The following DYNC1H1 variants were observed in gnomAD, a reference collection of about 807,000 sequenced individuals.
DYNC1H1 encodes dynein cytoplasmic 1 heavy chain 1.
Under a neutral mutation model 527.1 loss-of-function variants are expected in DYNC1H1, and 51 were observed. That is an observed-to-expected ratio of 0.10 (90% CI 0.08 to 0.12). The LOEUF is 0.12. DYNC1H1 is among the 10% of genes least tolerant of loss of function. The probability of loss-of-function intolerance (pLI) is 1.00; values close to 1 mark genes in which losing one functional copy is unlikely to be tolerated. For synonymous variants in DYNC1H1, 2,189 were observed against 2,278.8 expected (o/e 0.96, Z 1.12); for missense variants, 2,771 against 5,971.8 (o/e 0.46, Z 17.66).
rs1353872671 is a variant in DYNC1H1 at position 102,016,655 on chromosome 14, C to T, written c.7615-111C>T. On this transcript the variant is annotated intron_variant, in intron 37 of 77. Transcript: ENST00000360184. The surrounding 1 kb of genome is among the most constrained non-coding windows in gnomAD (Gnocchi z 7.3). ...GTGTTAGCAAAGAGTGCAGATTAAC[C>T]TGACCAATTACTTCCTTGTTCTGAA... 6.5e-6 allele frequency: 10 copies of T among 1,534,846 alleles called. No homozygotes were observed. The Admixed American group carries it at 1.5e-4, about 23-fold the overall frequency.
In DYNC1H1 at chr14:101,983,871, C is replaced by T. The variant is rs977950221; in HGVS notation, c.1461+262C>T. ...TGTTTATATTTTGAGTAGAGACAGG[C>T]TTTTACCATGTTGGCCAGGCTGGTT... is the stretch of plus-strand genomic sequence containing the variant. On this transcript the variant is annotated intron_variant, in intron 7 of 77. Coordinates refer to ENST00000360184, the MANE Select transcript of DYNC1H1 (RefSeq NM_001376.5). The surrounding 1 kb of genome is among the most constrained non-coding windows in gnomAD (Gnocchi z 5.3). 6.6e-6 allele frequency among the ~76,000 whole-genome samples: 1 copy of T among 151,960 alleles called. No individual in the cohort carries two copies. Among genetic ancestry groups the T allele is most frequent in the East Asian group, 1.9e-4 (1 of 5,176 alleles).
In DYNC1H1 at chr14:102,012,492, G is replaced by A. The variant is rs770462838; in HGVS notation, c.7014+22G>A. On this transcript the variant is annotated intron_variant, in intron 34 of 77. Coordinates refer to ENST00000360184, the MANE Select transcript of DYNC1H1 (RefSeq NM_001376.5). The surrounding 1 kb of genome is among the most constrained non-coding windows in gnomAD (Gnocchi z 4.9). ...CAATGTAAGTAGCCTTTTGTATGTC[G>A]TCAACTGAATAATTCCTTTTGGCCA... 26 of 1,613,954 alleles carry A rather than the reference G, an allele frequency of 1.6e-5. No homozygotes were observed. In the Middle Eastern group the frequency reaches 4.9e-4, roughly 31 times the overall value.
At chr14:101,994,643 C>T (rs2048037667) in intron 12 of DYNC1H1, 30 bp from the exon 13 acceptor site, 1 of 1,612,994 alleles carries the variant, frequency 6.2e-7, no homozygotes, top group Non-Finnish European at 8.5e-7. Flanking sequence ...AAAACTCAAA[C>T]TATTATTTAA....
At chr14:102,019,383 T>G (rs1039751939) in intron 41 of DYNC1H1, among the ~76,000 whole-genome samples, 3 of 152,256 alleles carry the variant, frequency 2.0e-5, no homozygotes, top group African/African-American at 4.8e-5. Context: ...CCAACTGCCC[T>G]GCTGTGTCTC....
Position 102,019,705 on chromosome 14 carries a change from G to A in DYNC1H1, c.8344-188G>A, listed in dbSNP as rs3742426. On this transcript the variant is annotated intron_variant, in intron 41 of 77. Transcript: ENST00000360184. ...CAACCTCCGCCTCCTGGGTTCAAGC[G>A]ATTCTTCTGCCTCAGCCTCCCTAGT... 0.15 allele frequency among the ~76,000 whole-genome samples: 22,568 copies of A among 152,042 alleles called. 1,901 individuals carry two copies. Among genetic ancestry groups the A allele is most frequent in the East Asian group, 0.24 (1,233 of 5,166 alleles).
At position 102,015,909 on chromosome 14, in the gene DYNC1H1, G is replaced by C. The variant is rs2048315206; in HGVS notation, c.7296G>C (p.Leu2432=). ...IMQPYFTSNG[L]VTKALEHAFQ... is the part of the protein sequence containing the mutation. ...AACCGTACTTCACGTCCAACGGCCT[G>C]GTCACCAAGGCGCTAGAGCACGCCT... Residue 2432 remains leucine (L), a synonymous_variant, in exon 36 of 78, where the codon CTG becomes CTC. Coordinates refer to ENST00000360184, the MANE Select transcript of DYNC1H1 (RefSeq NM_001376.5). This position sits in a 1 kb window ranked among gnomAD's most constrained non-coding sequence, Gnocchi z 6.9. 1 of 1,614,232 alleles carries C rather than the reference G, an allele frequency of 6.2e-7. No homozygotes were observed. The highest frequency in any genetic ancestry group is 1.6e-4 in the Middle Eastern group (1 of 6,062).
chr14:102,031,472 C>T (rs919225758), intron 51 of DYNC1H1, among the ~76,000 whole-genome samples: 4 of 152,088 alleles, frequency 2.6e-5, no homozygotes, highest in Non-Finnish European at 4.4e-5. Flanking sequence ...TGGGCTCAAG[C>T]GATCCACCTG....
intron 16 of DYNC1H1, among the ~76,000 whole-genome samples, chr14:101,999,296 C>T (rs903984300): frequency 5.3e-5 from 8 of 152,190 alleles, no homozygotes; most frequent in Non-Finnish European, 2.9e-5. Context: ...GCTGGGACTA[C>T]AGGCGTGCCC....
chr14:101,976,871 C>T (rs2047807183), intron 2 of DYNC1H1, among the ~76,000 whole-genome samples: 1 of 152,138 alleles, frequency 6.6e-6, no homozygotes, highest in Non-Finnish European at 1.5e-5. Flanking sequence ...AAGTAAAAAA[C>T]AGCCAGTATA....
intron 1 of DYNC1H1, among the ~76,000 whole-genome samples, chr14:101,973,772 C>A (rs2047767166): frequency 6.6e-6 from 1 of 152,096 alleles, no homozygotes. Flanking sequence ...CCACTGCGTT[C>A]CAGCCTGGGC....
Position 102,033,475 on chromosome 14 carries a change from C to T in DYNC1H1, c.10404C>T (p.Val3468=), listed in dbSNP as rs1453908555. Residue 3468 remains valine, a synonymous_variant, in exon 54 of 78, where the codon GTC becomes GTT. Coordinates refer to ENST00000360184, the MANE Select transcript of DYNC1H1 (RefSeq NM_001376.5). This position sits in a 1 kb window ranked among gnomAD's most constrained non-coding sequence, Gnocchi z 5.6. Reference sequence around the variant, plus strand: ...CCATCAAGGCAGACCTGGCAGCTGTCGAGGCAAAAGTAAGATTATCATCAT... The same window carrying T: ...CCATCAAGGCAGACCTGGCAGCTGTTGAGGCAAAAGTAAGATTATCATCAT... ...AQAIKADLAA[V]EAKVNRSTAL... is the part of the protein sequence containing the mutation. 3 of 1,614,068 alleles carry T rather than the reference C, an allele frequency of 1.9e-6. No individual in the cohort carries two copies. The highest frequency in any genetic ancestry group is 2.7e-5 in the African/African-American group (2 of 75,056).
chr14:102,027,365 T>C lies in DYNC1H1; in HGVS notation c.8887-18T>C. The C allele has an allele frequency of 1.2e-6, 2 of 1,614,120 alleles. No individual in the cohort carries two copies. The highest frequency in any genetic ancestry group is 1.3e-5 in the African/African-American group (1 of 75,024). ...CTCAGTGAGTAGGAATGGACCTAACTTGCCTCTGCTTCTGTAGGTCCATAG... is the reference window on the plus strand; with the variant it reads ...CTCAGTGAGTAGGAATGGACCTAACCTGCCTCTGCTTCTGTAGGTCCATAG... On this transcript the variant is annotated intron_variant, in intron 45 of 77. Coordinates refer to ENST00000360184, the MANE Select transcript of DYNC1H1 (RefSeq NM_001376.5). This position sits in a 1 kb window ranked among gnomAD's most constrained non-coding sequence, Gnocchi z 7.7.
At position 102,012,752 on chromosome 14, in the gene DYNC1H1, G is replaced by A. The variant is rs2048271969; in HGVS notation, c.7014+282G>A. 6.5e-6 allele frequency: 3 copies of A among 463,746 alleles called. No individual in the cohort carries two copies. Among genetic ancestry groups the A allele is most frequent in the Admixed American group, 6.8e-5 (2 of 29,418 alleles). The allele number at this position is 463,746 out of a possible 1,614,324, so 28.7% of individuals were successfully genotyped here. A position where few individuals can be genotyped will look rare whatever the true frequency, so the allele number is the denominator to read the frequency against. ...GTTAACCCTGTATGGTGGGGTTGTC[G>A]TTAAGGTTTCTTAAGCTGTTATACA... On this transcript the variant is annotated intron_variant, in intron 34 of 77. Transcript: ENST00000360184. The surrounding 1 kb of genome is among the most constrained non-coding windows in gnomAD (Gnocchi z 4.9).
chr14:102,013,719 T>C (rs1430005376), intron 34 of DYNC1H1, among the ~76,000 whole-genome samples: 1 of 152,058 alleles, frequency 6.6e-6, no homozygotes, highest in Non-Finnish European at 1.5e-5. Flanking sequence ...CTGATGTATG[T>C]CCATGAAGAT....
chr14:102,042,593 T>C lies in DYNC1H1; in HGVS notation c.12400-42T>C. On this transcript the variant is annotated intron_variant, in intron 68 of 77. Transcript: ENST00000360184. The surrounding 1 kb of genome is among the most constrained non-coding windows in gnomAD (Gnocchi z 5.7). ...GTGTGGTGGAATTGAACAGGCGCCC[T>C]CATCCACACCCGAGCATAACTGGAA... The C allele has an allele frequency of 6.2e-7, 1 of 1,613,816 alleles. No individual in the cohort carries two copies. Among genetic ancestry groups the C allele is most frequent in the Non-Finnish European group, 8.5e-7 (1 of 1,179,918 alleles).
chr14:102,034,660 G>A, intron 56 of DYNC1H1: 2 of 850,172 alleles, frequency 2.4e-6, no homozygotes, highest in South Asian at 3.2e-5. Context: ...AATGCTTCTT[G>A]TAACCTTCTA....
rs557163093 is a variant in DYNC1H1 at position 102,049,579 on chromosome 14, A to T, written c.13512A>T (p.Leu4504=). The change falls in exon 75 of 78, where the codon CTA becomes CTT. Residue 4504 remains leucine, a synonymous_variant. Transcript: ENST00000360184. The surrounding 1 kb of genome is among the most constrained non-coding windows in gnomAD (Gnocchi z 5.5). The part of the protein sequence containing the change: ...LAAASGGAKE[L]KNIHVCLGGL... ...CTGCATCTGGTGGCGCCAAGGAGCTAAAGGTGAAGGCGCTCCTGACGAGTC... is the reference window on the plus strand; with the variant it reads ...CTGCATCTGGTGGCGCCAAGGAGCTTAAGGTGAAGGCGCTCCTGACGAGTC... The T allele has an allele frequency of 3.1e-6, 5 of 1,614,014 alleles. No homozygotes were observed. The African/African-American group carries it at 4.0e-5, about 13-fold the overall frequency.
Position 102,047,019 on chromosome 14 carries a change from C to T in DYNC1H1, c.13007-798C>T, listed in dbSNP as rs537625532. Among the ~76,000 whole-genome samples, 11 of 152,246 alleles carry T rather than the reference C, an allele frequency of 7.2e-5. No homozygotes were observed. In the East Asian group the frequency reaches 1.4e-3, roughly 19 times the overall value. ...TATGTTGCCCAGGCTAGTCTTGAAC[C>T]CCTGAGCTCTAGAGATGCTCCCGCT... On this transcript the variant is annotated intron_variant, in intron 72 of 77. Transcript: ENST00000360184.
chr14:102,040,840 T>TC lies in DYNC1H1; in HGVS notation c.11941+170dup, dbSNP rs1461773163. The TC allele has an allele frequency of 7.8e-6, 6 of 772,422 alleles. No homozygotes were observed. In the African/African-American group the frequency reaches 1.0e-4, roughly 13 times the overall value. 47.8% of individuals were successfully genotyped at this position (772,422 alleles called of 1,614,324 possible). On this transcript the variant is annotated intron_variant, in intron 64 of 77. Transcript: ENST00000360184. Reference sequence around the variant, plus strand: ...CAGGCGTGGCGGTGCACACCTGTAGTCCCATCTACTCGGGAGGCTAAAGCA... The same window carrying TC: ...CAGGCGTGGCGGTGCACACCTGTAGTCCCCATCTACTCGGGAGGCTAAAGCA...
Sources: allele counts gnomAD v4.1 joint callset (sites outside exome capture counted in the v4.1 genomes callset), GRCh38; gene constraint gnomAD v4.1.1; non-coding constraint Gnocchi (gnomAD v3.1); transcripts MANE v1.5; gene names NCBI Gene and HGNC (gene_info 2026-07-23, HGNC 2026-07-21).